The following TRPM3 variants were observed in gnomAD, a reference collection of about 807,000 sequenced individuals.
TRPM3 encodes the protein long transient receptor potential channel 3.
TRPM3 carries 77 observed loss-of-function variants against 181.2 expected under a neutral mutation model. The ratio of observed to expected loss-of-function variants is 0.42; its 90% CI spans 0.35 to 0.51. TRPM3 has a LOEUF of 0.51. TRPM3 is among the 20% of genes least tolerant of loss of function. The probability of loss-of-function intolerance (pLI) is 0.01; values close to 1 mark genes in which losing one functional copy is unlikely to be tolerated. For synonymous variants in TRPM3, 745 were observed against 796.4 expected, an observed-to-expected ratio of 0.94 and a Z score of 1.09; for missense variants, 1,759 against 2,196.7, an observed-to-expected ratio of 0.80 and a Z score of 3.98.
chr9:71,269,028 G>A (rs1305719246), intron 1 of TRPM3, among the ~76,000 whole-genome samples: 1 of 152,124 alleles, frequency 6.6e-6, no homozygotes, highest in Non-Finnish European at 1.5e-5. Flanking sequence ...ATGAATGAAA[G>A]CATAGCAAGT....
At chr9:71,280,789 G>T (rs2084647574) in intron 1 of TRPM3, among the ~76,000 whole-genome samples, 1 of 152,084 alleles carries the variant, frequency 6.6e-6, no homozygotes, top group African/African-American at 2.4e-5. Flanking sequence ...ACACACAAAT[G>T]CATCAATACA....
chr9:71,022,464 G>A (rs2097854884), intron 1 of TRPM3, among the ~76,000 whole-genome samples: 1 of 152,172 alleles, frequency 6.6e-6, no homozygotes, highest in African/African-American at 2.4e-5. Flanking sequence ...GGAGGCTGAG[G>A]TGGAAGGATA....
intron 1 of TRPM3, among the ~76,000 whole-genome samples, chr9:70,958,425 C>T (rs1424497352): frequency 6.6e-6 from 1 of 152,188 alleles, no homozygotes; most frequent in African/African-American, 2.4e-5. Flanking sequence ...TATTTCTCCA[C>T]ATCCTCTCCA....
intron 1 of TRPM3, among the ~76,000 whole-genome samples, chr9:71,200,056 G>T (rs1043395610): frequency 6.6e-6 from 1 of 152,158 alleles, no homozygotes; most frequent in African/African-American, 2.4e-5. Flanking sequence ...GTGTCCCAGA[G>T]ATTCTGGTAT....
chr9:71,205,248 TAA>T (rs5898185), intron 1 of TRPM3, among the ~76,000 whole-genome samples: 3 of 151,600 alleles, frequency 2.0e-5, no homozygotes, highest in Non-Finnish European at 2.9e-5. Context: ...AATCAAATAA[TAA>T]AAAAAAATTA....
intron 1 of TRPM3, among the ~76,000 whole-genome samples, chr9:71,020,584 T>C (rs2097839770): frequency 6.6e-6 from 1 of 152,066 alleles, no homozygotes; most frequent in Non-Finnish European, 1.5e-5. Flanking sequence ...TGGATTTACA[T>C]CCAGAATATA....
At chr9:70,654,829 C>T (rs1031077296) in intron 9 of TRPM3, among the ~76,000 whole-genome samples, 3 of 151,642 alleles carry the variant, frequency 2.0e-5, no homozygotes, top group African/African-American at 4.8e-5. Flanking sequence ...ACTATAGGCA[C>T]CTGCACCACG....
chr9:70,536,167 C>T lies in TRPM3; in HGVS notation c.4946G>A (p.Ser1649Asn). The T allele has an allele frequency of 6.2e-7, 1 of 1,614,150 alleles. No homozygotes were observed. Among genetic ancestry groups the T allele is most frequent in the Non-Finnish European group, 8.5e-7 (1 of 1,180,024 alleles). Reference protein sequence around the residue: ...ITVPKIERANSYSAEEPSAPY... With the variant: ...ITVPKIERANNYSAEEPSAPY... ...CGCACTTGGCTCCTCTGCCGAGTAG[C>T]TGTTGGCGCGCTCTATCTTGGGAAC... Residue 1649 changes from serine (S) to asparagine (N), a missense_variant, in exon 26 of 26, where the codon AGC (serine) becomes AAC (asparagine). Ser to Asn is a conservative substitution (Grantham distance 46). Transcript: ENST00000677713.
intron 8 of TRPM3, chr9:70,761,107 T>G (rs1013219112): frequency 3.6e-5 from 9 of 253,050 alleles, no homozygotes; most frequent in Non-Finnish European, 6.7e-5. Context: ...TTTGCTCTGA[T>G]TTTAGAAACA....
rs574477857 is a variant in TRPM3, at chr9:70,608,981, C to CACA, written c.2667+1625_2667+1627dup. On this transcript the variant is annotated intron_variant, in intron 19 of 25. Coordinates refer to ENST00000677713, the MANE Select transcript of TRPM3 (RefSeq NM_001366145.2). ...TATTTTTGTTGAGTGGATGTATGAACACAACACTGATTATCTATTGCTGGG... is the reference window on the plus strand; with the variant it reads ...TATTTTTGTTGAGTGGATGTATGAACACAACAACACTGATTATCTATTGCTGGG... Among the ~76,000 whole-genome samples the CACA allele has an allele frequency of 6.8e-4, 103 of 152,280 alleles. 2 individuals carry two copies. The South Asian group carries it at 0.02, about 29-fold the overall frequency.
intron 6 of TRPM3, among the ~76,000 whole-genome samples, chr9:70,798,828 T>G (rs2087983347): frequency 6.6e-6 from 1 of 152,204 alleles, no homozygotes; most frequent in African/African-American, 2.4e-5. Context: ...GGTGGCTTCA[T>G]GGTGTCCTTT....
chr9:71,296,988 C>CTTTTTT (rs398010878), intron 1 of TRPM3, among the ~76,000 whole-genome samples: 84 of 97,818 alleles, frequency 8.6e-4, no homozygotes, highest in East Asian at 3.3e-3. Flanking sequence ...TGAATCTTTT[C>CTTTTTT]TTTTTTTTTT....
chr9:71,200,473 T>G (rs1304034005), intron 1 of TRPM3, among the ~76,000 whole-genome samples: 3 of 151,332 alleles, frequency 2.0e-5, no homozygotes, highest in Admixed American at 1.3e-4. Context: ...GACAGTGGGG[T>G]GTTAAAGTCT....
intron 18 of TRPM3, among the ~76,000 whole-genome samples, chr9:70,614,536 C>T (rs2062480439): frequency 6.6e-6 from 1 of 152,064 alleles, no homozygotes; most frequent in African/African-American, 2.4e-5. Context: ...AATAATAGTG[C>T]CTATCTTGTG....
At position 70,535,562 on chromosome 9, in the gene TRPM3, C is replaced by T; in HGVS notation, c.*391G>A. ...TATTTTATTTTGCAATTTAGCCCTG[C>T]ATCCTACAACTCTTGATAATGGTCA... On this transcript the variant is annotated 3_prime_UTR_variant, in exon 26 of 26. Transcript: ENST00000677713. The T allele has an allele frequency of 6.5e-7, 1 of 1,532,032 alleles. No homozygotes were observed. Among genetic ancestry groups the T allele is most frequent in the Non-Finnish European group, 8.8e-7 (1 of 1,141,484 alleles). The allele number at this position is 1,532,032 out of a possible 1,614,324, so 94.9% of individuals were successfully genotyped here.
intron 1 of TRPM3, among the ~76,000 whole-genome samples, chr9:71,236,219 G>A (rs916006199): frequency 6.6e-6 from 1 of 152,184 alleles, no homozygotes; most frequent in Non-Finnish European, 1.5e-5. Flanking sequence ...GATTTCTAGT[G>A]TTAGATCCAC....
At chr9:70,782,409 G>A (rs7847523) in intron 7 of TRPM3, among the ~76,000 whole-genome samples, 120,487 of 151,936 alleles carry the variant, frequency 0.79, 48,402 homozygotes, top group East Asian at 0.93. Flanking sequence ...ATGGGGTTTC[G>A]CCATGTTGGT....
At chr9:71,135,167 C>A (rs959249442) in intron 1 of TRPM3, among the ~76,000 whole-genome samples, 1 of 152,226 alleles carries the variant, frequency 6.6e-6, no homozygotes. Flanking sequence ...ATAATGTCAT[C>A]TTCCATTGGT....
chr9:71,374,971 T>C (rs1019283117), intron 1 of TRPM3, among the ~76,000 whole-genome samples: 4 of 152,222 alleles, frequency 2.6e-5, no homozygotes, highest in Non-Finnish European at 5.9e-5. Flanking sequence ...AAACATTCCA[T>C]GCTCATGAAT....
Sources: allele counts gnomAD v4.1 joint callset (sites outside exome capture counted in the v4.1 genomes callset), GRCh38; gene constraint gnomAD v4.1.1; transcripts MANE v1.5; gene names NCBI Gene and HGNC (gene_info 2026-07-23, HGNC 2026-07-21).